The following DTX1 variants were observed in gnomAD, a reference collection of about 807,000 sequenced individuals.
DTX1 encodes the protein deltex E3 ubiquitin ligase 1.
A neutral mutation model predicts 57.8 loss-of-function variants in DTX1; 26 were observed. That is an observed-to-expected ratio of 0.45 (90% CI 0.33 to 0.62). DTX1 has a LOEUF of 0.62. Ranked by LOEUF, DTX1 falls within the 20% of genes least tolerant of loss-of-function variation. The pLI, the probability that DTX1 is intolerant of heterozygous loss-of-function variation, is 0.02. For synonymous variants in DTX1, 398 were observed against 394.1 expected (o/e 1.01, Z -0.12); for missense variants, 704 against 895.3 (o/e 0.79, Z 2.73).
chr12:113,056,984 C>A (rs2044628224), intron 1 of DTX1, 40 bp downstream of exon 1: 1 of 152,324 alleles, frequency 6.6e-6, no homozygotes, highest in Admixed American at 6.5e-5. Flanking sequence ...CCCCGGCTCC[C>A]GCTGGGGGCC....
chr12:113,067,879 CAA>C (rs56358913), intron 2 of DTX1, among the ~76,000 whole-genome samples: 10 of 149,710 alleles, frequency 6.7e-5, no homozygotes, highest in Middle Eastern at 6.9e-3. Flanking sequence ...CAAATAAAAA[CAA>C]AAAAAAAAAT....
At chr12:113,061,066 T>G (rs2044660349) in intron 2 of DTX1, among the ~76,000 whole-genome samples, 1 of 152,150 alleles carries the variant, frequency 6.6e-6, no homozygotes, top group East Asian at 1.9e-4. Context: ...CACACTCCCC[T>G]TTCATCAGGC....
intron 3 of DTX1, among the ~76,000 whole-genome samples, chr12:113,079,234 T>G (rs2044797769): frequency 6.6e-6 from 1 of 152,074 alleles, no homozygotes; most frequent in African/African-American, 2.4e-5. Flanking sequence ...ACCAGGGGGG[T>G]TTGGACTGTG....
intron 2 of DTX1, among the ~76,000 whole-genome samples, chr12:113,074,889 A>T (rs999612949): frequency 6.6e-6 from 1 of 152,194 alleles, no homozygotes; most frequent in African/African-American, 2.4e-5. Context: ...AAGGAAGAGC[A>T]TCCGGAAGCG....
chr12:113,093,034 A>G lies in DTX1; in HGVS notation c.942-128A>G. The G allele has an allele frequency of 1.4e-6, 1 of 729,596 alleles. No homozygotes were observed. Among genetic ancestry groups the G allele is most frequent in the South Asian group, 1.9e-5 (1 of 53,614 alleles). 45.2% of individuals were successfully genotyped at this position (729,596 alleles called of 1,614,324 possible). ...AAGAGAGTTTCCTGGAGGTAACTGC[A>G]GTTGGCAGAGAGGTACAAAGAGGCC... On this transcript the variant is annotated intron_variant, in intron 3 of 9. Coordinates refer to ENST00000548759, the MANE Select transcript of DTX1 (RefSeq NM_004416.3). This position sits in a 1 kb window ranked among gnomAD's most constrained non-coding sequence, Gnocchi z 4.2.
At position 113,096,775 on chromosome 12, in the gene DTX1, A is replaced by G; in HGVS notation, c.1699A>G (p.Asn567Asp). The change falls in exon 10 of 10, where the codon AAC becomes GAC. Residue 567 changes from asparagine (N) to aspartate (D), a missense_variant. Asn to Asp is a conservative substitution (Grantham distance 23). Transcript: ENST00000548759. The stretch of plus-strand genomic sequence containing the variant: ...ACTCATCTTCACTATCGGCACGTCC[A>G]ACACCACGGGCGAGTCGGACACCGT... Reference protein sequence around the residue: ...RRLIFTIGTSNTTGESDTVVW... With the variant: ...RRLIFTIGTSDTTGESDTVVW... The G allele has an allele frequency of 6.2e-7, 1 of 1,613,810 alleles. No homozygotes were observed. Among genetic ancestry groups the G allele is most frequent in the Non-Finnish European group, 8.5e-7 (1 of 1,180,024 alleles).
intron 2 of DTX1, among the ~76,000 whole-genome samples, chr12:113,066,006 T>C (rs1222559800): frequency 3.3e-5 from 5 of 152,136 alleles, no homozygotes; most frequent in Admixed American, 3.3e-4. Context: ...GGCTCTGGAA[T>C]CACAACCGGT....
chr12:113,058,309 C>T lies in DTX1; in HGVS notation c.117C>T (p.Pro39=), dbSNP rs1238091268. 34 of 1,613,598 alleles carry T rather than the reference C, an allele frequency of 2.1e-5. No individual in the cohort carries two copies. Among genetic ancestry groups the T allele is most frequent in the Non-Finnish European group, 2.7e-5 (32 of 1,180,044 alleles). The change falls in exon 2 of 10, where the codon CCC becomes CCT. Residue 39 remains proline, a synonymous_variant. Transcript: ENST00000548759. ...TGAATGAGCACAGCCGCTGGCGGCC[C>T]TACACGGCCACCGTGTGCCACCACA... ...EWLNEHSRWR[P]YTATVCHHIE...
intron 2 of DTX1, among the ~76,000 whole-genome samples, chr12:113,062,707 C>T (rs950643829): frequency 6.6e-6 from 1 of 152,242 alleles, no homozygotes; most frequent in Admixed American, 6.5e-5. Context: ...TGCCGACACA[C>T]ACATGCCCTG....
chr12:113,067,795 G>T (rs999765702), intron 2 of DTX1, among the ~76,000 whole-genome samples: 1 of 152,164 alleles, frequency 6.6e-6, no homozygotes, highest in African/African-American at 2.4e-5. Context: ...ACTTTGGGAG[G>T]CTGAGACAGG....
chr12:113,077,094 G>A lies in DTX1; in HGVS notation c.260-330G>A, dbSNP rs73427751. 4.5e-3 allele frequency among the ~76,000 whole-genome samples: 688 copies of A among 152,130 alleles called. 8 individuals carry two copies. The highest frequency in any genetic ancestry group is 0.016 in the African/African-American group (659 of 41,496). On this transcript the variant is annotated intron_variant, in intron 2 of 9. Coordinates refer to ENST00000548759, the MANE Select transcript of DTX1 (RefSeq NM_004416.3). The surrounding 1 kb of genome is among the most constrained non-coding windows in gnomAD (Gnocchi z 7.8). The stretch of plus-strand genomic sequence containing the variant: ...TCTTGGCACCCCCACCCTGTTTGGT[G>A]GCTCTCCCGCCCCTACGCCCAATCT...
intron 7 of DTX1, 29 bp downstream of exon 7, chr12:113,094,976 G>A (rs776252968): frequency 6.2e-7 from 1 of 1,607,734 alleles, no homozygotes; most frequent in Non-Finnish European, 8.5e-7. Context: ...TGGCTGAGGA[G>A]TGGGCAGGGA....
Position 113,096,948 on chromosome 12 carries a change from G to A in DTX1, c.*9G>A. 2 of 1,604,380 alleles carry A rather than the reference G, an allele frequency of 1.2e-6. No individual in the cohort carries two copies. Among genetic ancestry groups the A allele is most frequent in the Non-Finnish European group, 8.5e-7 (1 of 1,176,794 alleles). ...CTGCAGCCAAGGCTTGAGGCCCAAG[G>A]CTGCCCACCTTCCCTCCTGCTTTGC... On this transcript the variant is annotated 3_prime_UTR_variant, in exon 10 of 10. Transcript: ENST00000548759.
rs2136059026 is a variant in DTX1 at position 113,077,505 on chromosome 12, ACGGCGGCGC to A, written c.342_350del (p.Asp114_Ala117delinsGlu). The A allele has an allele frequency of 6.2e-7, 1 of 1,609,798 alleles. No homozygotes were observed. ...GGCATCGTGTGGGAGTGGGAGAACGACGGCGGCGCATGGACGGCCTACGATATGGACATC... is the reference window on the plus strand; with the variant it reads ...GGCATCGTGTGGGAGTGGGAGAACGAATGGACGGCCTACGATATGGACATC... On this transcript the variant is annotated inframe_deletion, in exon 3 of 10. Coordinates refer to ENST00000548759, the MANE Select transcript of DTX1 (RefSeq NM_004416.3). This position sits in a 1 kb window ranked among gnomAD's most constrained non-coding sequence, Gnocchi z 7.8.
chr12:113,091,915 G>A (rs546650804), intron 3 of DTX1, among the ~76,000 whole-genome samples: 1 of 152,126 alleles, frequency 6.6e-6, no homozygotes, highest in Non-Finnish European at 1.5e-5. Context: ...TCCAGCCTGG[G>A]TTCCATGCCC....
chr12:113,066,812 T>C (rs1407430309), intron 2 of DTX1, among the ~76,000 whole-genome samples: 1 of 152,040 alleles, frequency 6.6e-6, no homozygotes, highest in African/African-American at 2.4e-5. Context: ...GGAGTGATGA[T>C]GGGTGTGATG....
In DTX1 at chr12:113,057,762, G is replaced by T. The variant is rs182414225; in HGVS notation, c.-431G>T. ...GAGTGCAAAGGGCTGGCTGAGAGCC[G>T]CAGGAGCAGCAGGCTGTGGCCCAGG... On this transcript the variant is annotated 5_prime_UTR_variant, in exon 2 of 10. Coordinates refer to ENST00000548759, the MANE Select transcript of DTX1 (RefSeq NM_004416.3). 3.6e-4 allele frequency: 64 copies of T among 176,954 alleles called. No individual in the cohort carries two copies. Among genetic ancestry groups the T allele is most frequent in the African/African-American group, 1.4e-3 (60 of 42,266 alleles). 11.0% of individuals were successfully genotyped at this position (176,954 alleles called of 1,614,324 possible).
Position 113,097,283 on chromosome 12 carries a change from C to T in DTX1, c.*344C>T. On this transcript the variant is annotated 3_prime_UTR_variant, in exon 10 of 10. Coordinates refer to ENST00000548759, the MANE Select transcript of DTX1 (RefSeq NM_004416.3). ...TGCCCCCAGGCTGGAAGAGAAGAGA[C>T]AGAAAGACCCCATGACCCCCCCATG... is the stretch of plus-strand genomic sequence containing the variant. 3.9e-6 allele frequency: 1 copy of T among 259,088 alleles called. No individual in the cohort carries two copies. The allele number at this position is 259,088 out of a possible 1,614,324, so 16.0% of individuals were successfully genotyped here.
intron 3 of DTX1, among the ~76,000 whole-genome samples, chr12:113,083,565 A>T (rs2136062510): frequency 6.6e-6 from 1 of 152,292 alleles, no homozygotes; most frequent in South Asian, 2.1e-4. Flanking sequence ...ACCTCAAGTG[A>T]TCCACCCACC....
Sources: gnomAD v4.1 joint callset for allele counts (sites outside exome capture counted in the v4.1 genomes callset) on GRCh38, gnomAD v4.1.1 for gene constraint, Gnocchi (gnomAD v3.1) non-coding constraint, MANE v1.5 for transcripts, NCBI Gene and HGNC (gene_info 2026-07-23, HGNC 2026-07-21) for gene names.